The following TLR3 variants were observed in gnomAD, a reference collection of about 807,000 sequenced individuals.
The protein encoded by TLR3 is toll like receptor 3.
Under a neutral mutation model 66.4 loss-of-function variants are expected in TLR3, and 43 were observed. The observed-to-expected ratio is 0.65, with a 90% confidence interval of 0.51 to 0.83. The LOEUF is 0.83. TLR3 is among the 40% of genes least tolerant of loss of function. The pLI is 0.00. For synonymous variants in TLR3, 397 were observed against 397.2 expected, an observed-to-expected ratio of 1.00 and a Z score of 0.01; for missense variants, 982 against 1,044.6, an observed-to-expected ratio of 0.94 and a Z score of 0.83.
chr4:186,072,208 C>G (rs1343021872), intron 1 of TLR3, among the ~76,000 whole-genome samples: 1 of 152,238 alleles, frequency 6.6e-6, no homozygotes, highest in African/African-American at 2.4e-5. Context: ...CCTCAAGGAG[C>G]TTTCACCCAC....
rs1382090016 is a variant in TLR3 at position 186,083,079 on chromosome 4, TACA to T, written c.1398_1400del (p.Asn466del). ...AAATATTTTCGAAATCTATCTTTCCTACAACAAGTACCTGCAGCTGACTAGGAA... is the reference window on the plus strand; with the variant it reads ...AAATATTTTCGAAATCTATCTTTCCTACAAGTACCTGCAGCTGACTAGGAA... On this transcript the variant is annotated inframe_deletion, in exon 4 of 5. Coordinates refer to ENST00000296795, the MANE Select transcript of TLR3 (RefSeq NM_003265.3). The surrounding 1 kb of genome is among the most constrained non-coding windows in gnomAD (Gnocchi z 4.0). 1.2e-6 allele frequency: 2 copies of T among 1,614,120 alleles called. No homozygotes were observed. Among genetic ancestry groups the T allele is most frequent in the Non-Finnish European group, 1.7e-6 (2 of 1,180,044 alleles).
intron 1 of TLR3, among the ~76,000 whole-genome samples, chr4:186,076,304 T>C (rs1335563057): frequency 6.6e-6 from 1 of 152,134 alleles, no homozygotes; most frequent in Non-Finnish European, 1.5e-5. Context: ...GAATATTAAG[T>C]TTATGGAGGT....
At chr4:186,074,267 G>A (rs749957428) in intron 1 of TLR3, among the ~76,000 whole-genome samples, 7 of 152,210 alleles carry the variant, frequency 4.6e-5, no homozygotes, top group Non-Finnish European at 8.8e-5. Flanking sequence ...TTGTGGGAAC[G>A]TCACAGGGAG....
At chr4:186,074,397 C>G (rs1342699986) in intron 1 of TLR3, among the ~76,000 whole-genome samples, 3 of 152,140 alleles carry the variant, frequency 2.0e-5, no homozygotes, top group Non-Finnish European at 4.4e-5. Context: ...ACTTGTGTAT[C>G]TAAACATAGA....
intron 1 of TLR3, among the ~76,000 whole-genome samples, chr4:186,073,649 A>G (rs779229008): frequency 5.9e-5 from 9 of 152,178 alleles, no homozygotes; most frequent in Non-Finnish European, 1.0e-4. Flanking sequence ...TAACACCATA[A>G]AGCTTTTTAG....
chr4:186,072,430 G>T (rs961242105), intron 1 of TLR3, among the ~76,000 whole-genome samples: 1 of 151,932 alleles, frequency 6.6e-6, no homozygotes. Flanking sequence ...CTCCTGCCTC[G>T]GCCTTCCCAG....
At chr4:186,077,754 A>C (rs1248396655) in intron 2 of TLR3, among the ~76,000 whole-genome samples, 1 of 152,144 alleles carries the variant, frequency 6.6e-6, no homozygotes, top group Non-Finnish European at 1.5e-5. Flanking sequence ...AACATTCAAA[A>C]TACGCTCTTC....
intron 3 of TLR3, 125 bp downstream of exon 3, chr4:186,079,156 A>C: frequency 1.1e-6 from 1 of 924,500 alleles, no homozygotes; most frequent in Non-Finnish European, 1.7e-6. Context: ...CTTCCCACCT[A>C]CTGCTTGGGG....
intron 1 of TLR3, among the ~76,000 whole-genome samples, chr4:186,071,643 A>G (rs956824231): frequency 2.6e-5 from 4 of 152,074 alleles, no homozygotes; most frequent in Non-Finnish European, 5.9e-5. Flanking sequence ...AGAGTTGTAA[A>G]GGCCATGAGA....
intron 1 of TLR3, among the ~76,000 whole-genome samples, chr4:186,073,405 A>G (rs2099301839): frequency 1.3e-5 from 2 of 152,228 alleles, no homozygotes; most frequent in African/African-American, 4.8e-5. Context: ...CTGTAGTCCC[A>G]GCTACTCGGG....
intron 3 of TLR3, among the ~76,000 whole-genome samples, chr4:186,080,142 T>C (rs2099303182): frequency 1.3e-5 from 2 of 152,220 alleles, no homozygotes; most frequent in Non-Finnish European, 2.9e-5. Flanking sequence ...TACACTCATT[T>C]TGTTCCAGGC....
rs770261956 is a variant in TLR3 at position 186,076,759 on chromosome 4, A to T, written c.140A>T (p.Asp47Val). The T allele has an allele frequency of 6.1e-5, 98 of 1,613,858 alleles. No homozygotes were observed. Among genetic ancestry groups the T allele is most frequent in the Non-Finnish European group, 8.1e-5 (95 of 1,179,998 alleles). ...CACCTGAAGTTGACTCAGGTACCCG[A>T]TGATCTACCCACAAACATAACAGTG... Reference protein sequence around the residue: ...CSHLKLTQVPDDLPTNITVLN... With the variant: ...CSHLKLTQVPVDLPTNITVLN... The change falls in exon 2 of 5, where the codon GAT (aspartate) becomes GTT (valine). Residue 47 changes from aspartate (D) to valine (V), a missense_variant. Physicochemically the swap from Asp to Val is radical, Grantham distance 152. Around this residue, in one of 3 missense-constraint regions of TLR3, gnomAD observed 313 missense variants for 319.0 expected, o/e 0.98. Transcript: ENST00000296795.
intron 1 of TLR3, among the ~76,000 whole-genome samples, chr4:186,071,764 A>G (rs1302655001): frequency 2.0e-5 from 3 of 152,218 alleles, no homozygotes; most frequent in Non-Finnish European, 4.4e-5. Context: ...GAACAATTCT[A>G]TATACTCACA....
chr4:186,077,617 G>T (rs1262666900), intron 2 of TLR3, among the ~76,000 whole-genome samples: 5 of 151,114 alleles, frequency 3.3e-5, no homozygotes, highest in Non-Finnish European at 5.9e-5. Flanking sequence ...CTTTTTAGTT[G>T]ATGTTTAATA....
At chr4:186,071,486 C>T (rs886245734) in intron 1 of TLR3, among the ~76,000 whole-genome samples, 2 of 152,186 alleles carry the variant, frequency 1.3e-5, no homozygotes, top group Non-Finnish European at 2.9e-5. Context: ...GGGAGCTGGT[C>T]CCCAGCATTT....
chr4:186,082,748 A>G lies in TLR3; in HGVS notation c.1062A>G (p.Leu354=), dbSNP rs1479852357. The G allele has an allele frequency of 3.1e-6, 5 of 1,613,930 alleles. No individual in the cohort carries two copies. The highest frequency in any genetic ancestry group is 4.2e-6 in the Non-Finnish European group (5 of 1,179,936). ...TTGATGATTTTTCTTTTCAGTGGCTAAAATGTTTGGAGCACCTTAACATGG... is the reference window on the plus strand; with the variant it reads ...TTGATGATTTTTCTTTTCAGTGGCTGAAATGTTTGGAGCACCTTAACATGG... The part of the protein sequence containing the change: ...PKIDDFSFQW[L]KCLEHLNMED... Residue 354 remains leucine (L), a synonymous_variant, in exon 4 of 5, where the codon CTA becomes CTG. Transcript: ENST00000296795.
At position 186,083,400 on chromosome 4, in the gene TLR3, A is replaced by C. The variant is rs769114608; in HGVS notation, c.1714A>C (p.Asn572His). The change falls in exon 4 of 5, where the codon AAC (asparagine) becomes CAC (histidine). Residue 572 changes from asparagine (N) to histidine (H), a missense_variant. Physicochemically the swap from Asn to His is moderately conservative, Grantham distance 68 (BLOSUM62 1). Transcript: ENST00000296795. The surrounding 1 kb of genome is among the most constrained non-coding windows in gnomAD (Gnocchi z 4.0). ...SHLHILNLESNGFDEIPVEVF... is the reference protein window; with the variant it reads ...SHLHILNLESHGFDEIPVEVF... ...CCTCCACATCCTTAACTTGGAGTCC[A>C]ACGGCTTTGACGAGATCCCAGTTGA... is the stretch of plus-strand genomic sequence containing the variant. 6.2e-7 allele frequency: 1 copy of C among 1,614,192 alleles called. No individual in the cohort carries two copies. The highest frequency in any genetic ancestry group is 8.5e-7 in the Non-Finnish European group (1 of 1,180,030).
In TLR3 at chr4:186,076,667, C is replaced by T; in HGVS notation, c.48C>T (p.Pro16=). The part of the protein sequence containing the change: ...PCIYFWGGLL[P]FGMLCASSTT... Reference sequence around the variant, plus strand: ...TCTACTTTTGGGGGGGCCTTTTGCCCTTTGGGATGCTGTGTGCATCCTCCA... The same window carrying T: ...TCTACTTTTGGGGGGGCCTTTTGCCTTTTGGGATGCTGTGTGCATCCTCCA... The change falls in exon 2 of 5, where the codon CCC becomes CCT. Residue 16 remains proline (P), a synonymous_variant. Transcript: ENST00000296795. 1 of 1,614,172 alleles carries T rather than the reference C, an allele frequency of 6.2e-7. No individual in the cohort carries two copies. Among genetic ancestry groups the T allele is most frequent in the Non-Finnish European group, 8.5e-7 (1 of 1,180,028 alleles).
Position 186,078,929 on chromosome 4 carries a change from A to C in TLR3, c.531A>C (p.Leu177=), listed in dbSNP as rs1258846379. 2 of 1,613,872 alleles carry C rather than the reference A, an allele frequency of 1.2e-6. No homozygotes were observed. Among genetic ancestry groups the C allele is most frequent in the Non-Finnish European group, 1.7e-6 (2 of 1,179,982 alleles). Residue 177 remains leucine, a synonymous_variant, in exon 3 of 5, where the codon CTA becomes CTC. Coordinates refer to ENST00000296795, the MANE Select transcript of TLR3 (RefSeq NM_003265.3). Reference sequence around the variant, plus strand: ...AGCTGGAAAATCTCCAAGAGCTTCTATTATCAAACAATAAAATTCAAGCGC... The same window carrying C: ...AGCTGGAAAATCTCCAAGAGCTTCTCTTATCAAACAATAAAATTCAAGCGC... ...QVQLENLQEL[L]LSNNKIQALK...
Sources: allele counts gnomAD v4.1 joint callset (sites outside exome capture counted in the v4.1 genomes callset), GRCh38; gene constraint gnomAD v4.1.1; regional missense constraint gnomAD v4.1.1; non-coding constraint Gnocchi (gnomAD v3.1); transcripts MANE v1.5; gene names NCBI Gene and HGNC (gene_info 2026-07-23, HGNC 2026-07-21).